TBC1D22A: variants seen among roughly 807,000 people sequenced by gnomAD.
TBC1D22A encodes the protein TBC1 domain family member 22A.
In TBC1D22A, 38 loss-of-function variants were observed where a neutral mutation model predicts 60.2. The ratio of observed to expected loss-of-function variants is 0.63; its 90% CI spans 0.49 to 0.83. The LOEUF is 0.83. Ranked by LOEUF, TBC1D22A falls within the 40% of genes least tolerant of loss-of-function variation. TBC1D22A has a pLI of 0.00. For missense variants in TBC1D22A, 628 were observed against 701.0 expected (o/e 0.90, Z 1.18); for synonymous variants, 302 against 281.7 (o/e 1.07, Z -0.72).
At chr22:46,884,160 G>A (rs142525168) in intron 5 of TBC1D22A, among the ~76,000 whole-genome samples, 1 of 152,238 alleles carries the variant, frequency 6.6e-6, no homozygotes, top group East Asian at 1.9e-4. Context: ...TTGATGTGCT[G>A]TGGAATGTGA....
chr22:47,004,446 T>TATATACACACTCCTGCC (rs2061514788), intron 10 of TBC1D22A, among the ~76,000 whole-genome samples: 2 of 148,428 alleles, frequency 1.3e-5, no homozygotes, highest in Admixed American at 1.3e-4. Context: ...CACATACCCC[T>TATATACACACTCCTGCC]ATATACACAC....
At chr22:46,883,963 C>A (rs2067981159) in intron 5 of TBC1D22A, among the ~76,000 whole-genome samples, 1 of 152,212 alleles carries the variant, frequency 6.6e-6, no homozygotes, top group South Asian at 2.1e-4. Flanking sequence ...CTCCCTGAGT[C>A]TCAGGGCTGT....
chr22:47,149,182 G>T (rs1345625575), intron 12 of TBC1D22A, among the ~76,000 whole-genome samples: 1 of 152,196 alleles, frequency 6.6e-6, no homozygotes, highest in Non-Finnish European at 1.5e-5. Context: ...GCTGCAGTCA[G>T]GGCTGGACCG....
chr22:46,804,225 C>G lies in TBC1D22A; in HGVS notation c.637+6605C>G, dbSNP rs16995735. ...CCCCCGGCCTTGGCCCCTTTTTGCC[C>G]GTGTGTTCCCACTTAGGACAGGAGC... is the stretch of plus-strand genomic sequence containing the variant. On this transcript the variant is annotated intron_variant, in intron 4 of 12. Transcript: ENST00000337137. Among the ~76,000 whole-genome samples the G allele has an allele frequency of 1.0e-2, 1,521 of 152,304 alleles. 20 individuals are homozygous for G. The highest frequency in any genetic ancestry group is 0.035 in the African/African-American group (1,439 of 41,564).
intron 8 of TBC1D22A, chr22:46,914,666 T>A (rs2070222737): frequency 6.6e-6 from 1 of 152,244 alleles, no homozygotes; most frequent in African/African-American, 2.4e-5. Context: ...CCTGCCCTGG[T>A]GCTGGGTGTG....
intron 12 of TBC1D22A, among the ~76,000 whole-genome samples, chr22:47,150,695 T>C (rs1388886422): frequency 6.6e-6 from 1 of 152,148 alleles, no homozygotes. Context: ...GCTGCAGCGC[T>C]AGCTCAAGGC....
chr22:47,164,456 C>T (rs1480068196), intron 12 of TBC1D22A, among the ~76,000 whole-genome samples: 1 of 152,184 alleles, frequency 6.6e-6, no homozygotes. Flanking sequence ...GGAGGTTTTT[C>T]GGCGAGGGTC....
At chr22:47,112,005 C>G (rs531870600) in intron 12 of TBC1D22A, among the ~76,000 whole-genome samples, 6 of 152,324 alleles carry the variant, frequency 3.9e-5, no homozygotes, top group East Asian at 1.9e-4. Flanking sequence ...GCCTGGGGTG[C>G]CTTCCAGCCA....
chr22:46,813,238 A>C (rs2085458037), intron 4 of TBC1D22A, among the ~76,000 whole-genome samples: 1 of 152,260 alleles, frequency 6.6e-6, no homozygotes. Flanking sequence ...CTGTTCCATC[A>C]GAAGTCATTG....
intron 9 of TBC1D22A, among the ~76,000 whole-genome samples, chr22:46,995,198 C>T (rs984358885): frequency 1.3e-5 from 2 of 152,196 alleles, no homozygotes; most frequent in Non-Finnish European, 2.9e-5. Flanking sequence ...GAGATCCTCT[C>T]CCCGGAGCCC....
chr22:47,044,441 G>A (rs1241070538), intron 11 of TBC1D22A, among the ~76,000 whole-genome samples: 1 of 152,196 alleles, frequency 6.6e-6, no homozygotes, highest in Non-Finnish European at 1.5e-5. Context: ...CACCTGCTGG[G>A]TGCTCTGCCT....
intron 12 of TBC1D22A, among the ~76,000 whole-genome samples, chr22:47,139,265 G>A (rs148363491): frequency 1.3e-3 from 202 of 152,334 alleles, no homozygotes; most frequent in African/African-American, 4.7e-3. Flanking sequence ...CCAGTTGCCC[G>A]CACGGAACTG....
chr22:46,909,371 G>A (rs774279645), intron 7 of TBC1D22A, among the ~76,000 whole-genome samples: 1 of 151,458 alleles, frequency 6.6e-6, no homozygotes, highest in Non-Finnish European at 1.5e-5. Flanking sequence ...TGCTCTGGGC[G>A]GTGCCTGCCT....
chr22:46,963,719 A>G (rs908030828), intron 8 of TBC1D22A, among the ~76,000 whole-genome samples: 6 of 152,212 alleles, frequency 3.9e-5, no homozygotes, highest in African/African-American at 1.4e-4. Flanking sequence ...CTTTGGGCTG[A>G]GCAGGCTCTT....
At position 46,846,148 on chromosome 22, in the gene TBC1D22A, G is replaced by A. The variant is rs566749299; in HGVS notation, c.638-32505G>A. Among the ~76,000 whole-genome samples the A allele has an allele frequency of 1.2e-4, 18 of 152,366 alleles. No individual in the cohort carries two copies. In the South Asian group the frequency reaches 2.7e-3, roughly 23 times the overall value. ...CAATGCATCTGGAAGGCAGCAATGT[G>A]CCGAGTGCTTTTTCTCCCCTCTCCT... is the stretch of plus-strand genomic sequence containing the variant. On this transcript the variant is annotated intron_variant, in intron 4 of 12. Coordinates refer to ENST00000337137, the MANE Select transcript of TBC1D22A (RefSeq NM_014346.5).
chr22:46,853,443 C>T (rs2087394287), intron 4 of TBC1D22A, among the ~76,000 whole-genome samples: 1 of 152,224 alleles, frequency 6.6e-6, no homozygotes, highest in African/African-American at 2.4e-5. Context: ...TGAGGGTAGG[C>T]CCCACGCCTG....
chr22:46,891,431 G>A, intron 6 of TBC1D22A, 37 bp downstream of exon 6: 1 of 1,571,218 alleles, frequency 6.4e-7, no homozygotes, highest in East Asian at 2.4e-5. Flanking sequence ...GTTGCCTGAT[G>A]TACTTTGCTT....
At chr22:47,043,986 G>A (rs1176636389) in intron 11 of TBC1D22A, among the ~76,000 whole-genome samples, 1 of 152,206 alleles carries the variant, frequency 6.6e-6, no homozygotes, top group Non-Finnish European at 1.5e-5. Context: ...TGCTGGGGAG[G>A]AGCCTGTCTG....
chr22:46,845,897 G>T (rs9627593), intron 4 of TBC1D22A, among the ~76,000 whole-genome samples: 1 of 152,120 alleles, frequency 6.6e-6, no homozygotes, highest in Non-Finnish European at 1.5e-5. Flanking sequence ...GAACCGCGGC[G>T]AGCCGATTCC....
Sources: gnomAD v4.1 joint callset for allele counts (sites outside exome capture counted in the v4.1 genomes callset) on GRCh38, gnomAD v4.1.1 for gene constraint, MANE v1.5 for transcripts, NCBI Gene and HGNC (gene_info 2026-07-23, HGNC 2026-07-21) for gene names.